The following EEA1 variants were observed in gnomAD, a reference collection of about 807,000 sequenced individuals.
The protein encoded by EEA1 is early endosome antigen 1.
EEA1 carries 111 observed loss-of-function variants against 209.2 expected under a neutral mutation model. That is an observed-to-expected ratio of 0.53 (90% CI 0.45 to 0.62). The LOEUF (loss-of-function observed/expected upper bound fraction) is 0.62. EEA1 is among the 20% of genes least tolerant of loss of function. The probability of loss-of-function intolerance (pLI) is 0.00; values close to 1 mark genes in which losing one functional copy is unlikely to be tolerated. For missense variants in EEA1, 1,343 were observed against 1,530.8 expected (o/e 0.88, Z 2.05); for synonymous variants, 536 against 540.6 (o/e 0.99, Z 0.12).
chr12:92,780,329 AT>A lies in EEA1; in HGVS notation c.3418del (p.Ile1140SerfsTer4). 1 of 1,603,844 alleles carries A rather than the reference AT, an allele frequency of 6.2e-7. No individual in the cohort carries two copies. Among genetic ancestry groups the A allele is most frequent in the Non-Finnish European group, 8.5e-7 (1 of 1,176,562 alleles). On this transcript the variant is annotated frameshift_variant, in exon 24 of 29. Transcript: ENST00000322349. LOFTEE classifies it high-confidence loss of function. Reference protein sequence around the residue: ...EEIKCRQEKEITKLNEELKSH... With the variant: ...EEIKCRQEKEXTKLNEELKSH... ...CTTGAGTTCTTCGTTTAGTTTAGTG[AT>A]TTCTTTTTCTTGTCTACATTTAATT...
At chr12:92,890,391 G>A (rs1033213818) in intron 2 of EEA1, among the ~76,000 whole-genome samples, 2 of 152,038 alleles carry the variant, frequency 1.3e-5, no homozygotes, top group Non-Finnish European at 2.9e-5. Context: ...GTATGGTATA[G>A]GTATGATAAA....
intron 2 of EEA1, among the ~76,000 whole-genome samples, chr12:92,878,865 C>T (rs1293032057): frequency 6.6e-6 from 1 of 152,118 alleles, no homozygotes; most frequent in African/African-American, 2.4e-5. Flanking sequence ...GATGAAACAA[C>T]AGATTCCTTA....
Position 92,811,530 on chromosome 12 carries a change from A to T in EEA1, c.2044-96T>A, listed in dbSNP as rs185177918. ...AAAATTGAAAACTCTAATTTTATTT[A>T]AAAAAATATTTGGAGTAAGAGCTCA... On this transcript the variant is annotated intron_variant, in intron 16 of 28. Coordinates refer to ENST00000322349, the MANE Select transcript of EEA1 (RefSeq NM_003566.4). 3.7e-3 allele frequency: 3,073 copies of T among 826,322 alleles called. 13 individuals are homozygous for T. The highest frequency in any genetic ancestry group is 0.018 in the Middle Eastern group (44 of 2,484). 51.2% of individuals were successfully genotyped at this position (826,322 alleles called of 1,614,324 possible).
intron 1 of EEA1, among the ~76,000 whole-genome samples, chr12:92,919,212 T>C (rs1592778888): frequency 6.8e-6 from 1 of 146,422 alleles, no homozygotes; most frequent in Non-Finnish European, 1.5e-5. Context: ...TTCCAATCAA[T>C]AGAAAAAGAG....
chr12:92,783,324 C>T (rs555780145), intron 22 of EEA1, among the ~76,000 whole-genome samples: 4 of 152,222 alleles, frequency 2.6e-5, no homozygotes, highest in Non-Finnish European at 4.4e-5. Flanking sequence ...GTGGGAAAAT[C>T]CCCATATGTT....
chr12:92,774,555 G>A lies in EEA1; in HGVS notation c.*1456C>T, dbSNP rs1481845443. ...AACCAATATTAATAACTTCTCTCTTGAGATGTTTTACAATTTTCCAAATTA... is the reference window on the plus strand; with the variant it reads ...AACCAATATTAATAACTTCTCTCTTAAGATGTTTTACAATTTTCCAAATTA... On this transcript the variant is annotated 3_prime_UTR_variant, in exon 29 of 29. Transcript: ENST00000322349. 6.6e-6 allele frequency: 1 copy of A among 151,562 alleles called. No homozygotes were observed. The highest frequency in any genetic ancestry group is 1.5e-5 in the Non-Finnish European group (1 of 67,600). The allele number at this position is 151,562 out of a possible 1,614,324, so 9.4% of individuals were successfully genotyped here.
chr12:92,869,189 T>C (rs1246190730), intron 2 of EEA1, among the ~76,000 whole-genome samples: 1 of 152,190 alleles, frequency 6.6e-6, no homozygotes, highest in Non-Finnish European at 1.5e-5. Context: ...GGATCGAGGT[T>C]GCTAGATAGA....
intron 19 of EEA1, among the ~76,000 whole-genome samples, chr12:92,802,101 G>A (rs1874943222): frequency 6.6e-6 from 1 of 152,016 alleles, no homozygotes; most frequent in Non-Finnish European, 1.5e-5. Context: ...AATAGGAAAA[G>A]TGTACAGATA....
Position 92,773,917 on chromosome 12 carries a change from CTTG to C in EEA1, c.*2091_*2093del, listed in dbSNP as rs1473338449. 1.5e-4 allele frequency: 21 copies of C among 142,938 alleles called. No homozygotes were observed. Among genetic ancestry groups the C allele is most frequent in the African/African-American group, 4.9e-4 (19 of 38,746 alleles). 8.9% of individuals were successfully genotyped at this position (142,938 alleles called of 1,614,324 possible). A position where few individuals can be genotyped will look rare whatever the true frequency, so the allele number is the denominator to read the frequency against. ...TCATTCAAACACCTATATATGGTTA[CTTG>C]TTGTCTTAAAATTTTTTTGTGAGTA... On this transcript the variant is annotated 3_prime_UTR_variant, in exon 29 of 29. Transcript: ENST00000322349.
Position 92,820,766 on chromosome 12 carries a change from T to C in EEA1, c.1525-1255A>G, listed in dbSNP as rs1876013115. Among the ~76,000 whole-genome samples, 4 of 151,730 alleles carry C rather than the reference T, an allele frequency of 2.6e-5. No individual in the cohort carries two copies. The South Asian group carries it at 6.3e-4, about 24-fold the overall frequency. ...TCCCAGAGCTTAAAGTATATATATATATATATATACACACACACACACATA... is the reference window on the plus strand; with the variant it reads ...TCCCAGAGCTTAAAGTATATATATACATATATATACACACACACACACATA... On this transcript the variant is annotated intron_variant, in intron 13 of 28. Transcript: ENST00000322349.
rs779485484 is a variant in EEA1 at position 92,778,049 on chromosome 12, C to T, written c.3785G>A (p.Arg1262Gln). Reference sequence around the variant, plus strand: ...TTGTTTCTCAAGCTCACTAACTCTCCGTTGACTAGATTGCCACTCCTTCTT... The same window carrying T: ...TTGTTTCTCAAGCTCACTAACTCTCTGTTGACTAGATTGCCACTCCTTCTT... ...TVKKEWQSSQRRVSELEKQTD... is the reference protein window; with the variant it reads ...TVKKEWQSSQQRVSELEKQTD... The change falls in exon 26 of 29, where the codon CGG becomes CAG. Residue 1262 changes from arginine to glutamine, a missense_variant. Physicochemically the swap from Arg to Gln is conservative, Grantham distance 43. This residue lies in a region of EEA1 where 1,307 missense variants were observed against 1,465.5 expected (regional missense o/e 0.89). Transcript: ENST00000322349. 8.7e-6 allele frequency: 14 copies of T among 1,613,348 alleles called. No individual in the cohort carries two copies. Among genetic ancestry groups the T allele is most frequent in the Admixed American group, 6.7e-5 (4 of 59,916 alleles).
intron 21 of EEA1, among the ~76,000 whole-genome samples, chr12:92,789,487 A>G (rs1874297182): frequency 6.6e-6 from 1 of 151,946 alleles, no homozygotes; most frequent in Admixed American, 6.6e-5. Flanking sequence ...AATGACTGAC[A>G]TACCTATCTC....
At position 92,852,156 on chromosome 12, in the gene EEA1, T is replaced by C. The variant is rs1466543510; in HGVS notation, c.642+19A>G. The C allele has an allele frequency of 3.8e-6, 6 of 1,563,068 alleles. No individual in the cohort carries two copies. In the African/African-American group the frequency reaches 6.9e-5, roughly 18 times the overall value. On this transcript the variant is annotated intron_variant, in intron 8 of 28. Transcript: ENST00000322349. ...AGAAAGGTATAAGAGTACATCTCAA[T>C]AAATAATTCCTAAATTACCAGTTCC...
At chr12:92,865,643 TG>T (rs1282438820) in intron 2 of EEA1, among the ~76,000 whole-genome samples, 1 of 152,114 alleles carries the variant, frequency 6.6e-6, no homozygotes, top group African/African-American at 2.4e-5. Flanking sequence ...TAAAGATCCA[TG>T]TTTTACAAAT....
chr12:92,852,989 T>G lies in EEA1; in HGVS notation c.443A>C (p.Gln148Pro). ...TTGCTTAATATTAAAATTTTCTGTT[T>G]GGGCTTCTTCTAATTGCTGTTCCAA... ...QSLEQQLEEA[Q>P]TENFNIKQMK... Residue 148 changes from glutamine to proline, a missense_variant, in exon 7 of 29, where the codon CAA becomes CCA. Coordinates refer to ENST00000322349, the MANE Select transcript of EEA1 (RefSeq NM_003566.4). 6.2e-7 allele frequency: 1 copy of G among 1,611,750 alleles called. No individual in the cohort carries two copies. Among genetic ancestry groups the G allele is most frequent in the Non-Finnish European group, 8.5e-7 (1 of 1,178,974 alleles).
intron 1 of EEA1, among the ~76,000 whole-genome samples, chr12:92,909,820 C>T (rs1880511074): frequency 6.6e-6 from 1 of 151,862 alleles, no homozygotes; most frequent in Non-Finnish European, 1.5e-5. Flanking sequence ...AGCCCAAGAC[C>T]AGCCTGGGCA....
rs188379300 is a variant in EEA1, at chr12:92,871,310, C to G, written c.118-6323G>C. Among the ~76,000 whole-genome samples, 237 of 152,214 alleles carry G rather than the reference C, an allele frequency of 1.6e-3. 1 individual carries two copies. Among genetic ancestry groups the G allele is most frequent in the African/African-American group, 5.6e-3 (232 of 41,530 alleles). On this transcript the variant is annotated intron_variant, in intron 2 of 28. Coordinates refer to ENST00000322349, the MANE Select transcript of EEA1 (RefSeq NM_003566.4). ...GCATAATTAAAGCAATCCATATTCC[C>G]TTGTAGCATAAAAAGTTAAGCAACA...
intron 1 of EEA1, among the ~76,000 whole-genome samples, chr12:92,921,773 A>G (rs2136788309): frequency 6.7e-6 from 1 of 148,946 alleles, no homozygotes; most frequent in South Asian, 2.1e-4. Flanking sequence ...AAAAAAAAAA[A>G]AAAAGAATCG....
intron 1 of EEA1, among the ~76,000 whole-genome samples, chr12:92,926,213 G>A (rs867927084): frequency 1.3e-5 from 2 of 151,666 alleles, no homozygotes; most frequent in Non-Finnish European, 2.9e-5. Context: ...GGCTGGTCTC[G>A]AACTCCCGAC....
Sources: allele counts gnomAD v4.1 joint callset (sites outside exome capture counted in the v4.1 genomes callset), GRCh38; gene constraint gnomAD v4.1.1; regional missense constraint gnomAD v4.1.1; transcripts MANE v1.5; gene names NCBI Gene and HGNC (gene_info 2026-07-23, HGNC 2026-07-21).